The following KIAA1217 variants were observed in gnomAD, a reference collection of about 807,000 sequenced individuals.
The protein encoded by KIAA1217 is sickle tail protein homolog.
In KIAA1217, 88 loss-of-function variants were observed where a neutral mutation model predicts 163.9. That is an observed-to-expected ratio of 0.54 (90% CI 0.45 to 0.64). KIAA1217 has a LOEUF of 0.64. Ranked by LOEUF, KIAA1217 falls within the 30% of genes least tolerant of loss-of-function variation. The pLI, the probability that KIAA1217 is intolerant of heterozygous loss-of-function variation, is 0.00. For synonymous variants in KIAA1217, 903 were observed against 923.1 expected (o/e 0.98, Z 0.39); for missense variants, 2,372 against 2,475.0 (o/e 0.96, Z 0.88).
intron 14 of KIAA1217, 28 bp downstream of exon 14, chr10:24,528,147 T>G: frequency 6.2e-7 from 1 of 1,608,168 alleles, no homozygotes; most frequent in Non-Finnish European, 8.5e-7. Flanking sequence ...AGCAGGAATA[T>G]ATGGAGGTAC....
intron 2 of KIAA1217, among the ~76,000 whole-genome samples, chr10:24,046,304 A>G (rs1474674123): frequency 6.6e-6 from 1 of 152,146 alleles, no homozygotes; most frequent in Non-Finnish European, 1.5e-5. Flanking sequence ...TTCTAAGCAC[A>G]TTATAAATAC....
chr10:24,047,092 T>C (rs1468255750), intron 2 of KIAA1217, among the ~76,000 whole-genome samples: 1 of 152,214 alleles, frequency 6.6e-6, no homozygotes, highest in Non-Finnish European at 1.5e-5. Flanking sequence ...TCAGAGTTAA[T>C]AAATGCATCA....
At chr10:24,075,376 C>A (rs2061337143) in intron 2 of KIAA1217, among the ~76,000 whole-genome samples, 1 of 152,142 alleles carries the variant, frequency 6.6e-6, no homozygotes, top group Admixed American at 6.5e-5. Context: ...AGTGCAGTGG[C>A]ACCATCATAA....
chr10:23,854,263 C>T (rs1588953865), intron 1 of KIAA1217, among the ~76,000 whole-genome samples: 3 of 152,232 alleles, frequency 2.0e-5, no homozygotes, highest in African/African-American at 7.2e-5. Context: ...GCCTTCATAT[C>T]ATTATGTACC....
intron 5 of KIAA1217, chr10:24,449,582 G>T: frequency 1.0e-6 from 1 of 985,344 alleles, no homozygotes; most frequent in Non-Finnish European, 1.2e-6. Flanking sequence ...TAACAAGAGT[G>T]GATACTGCTC....
chr10:24,501,509 A>T lies in KIAA1217; in HGVS notation c.1965A>T (p.Glu655Asp). Residue 655 changes from glutamate (E) to aspartate (D), a missense_variant, in exon 9 of 21, where the codon GAA becomes GAT. Glu to Asp is a conservative substitution (Grantham distance 45, BLOSUM62 2). This residue lies in a region of KIAA1217 where 1,431 missense variants were observed against 1,470.3 expected (regional missense o/e 0.97). Coordinates refer to ENST00000376454, the MANE Select transcript of KIAA1217 (RefSeq NM_019590.5). ...SLLEMRRSVA[E>D]LRLQLQQMRQ... ...TTGAGATGAGGCGGAGCGTGGCGGA[A>T]CTCAGGCTCCAGCTCCAGCAGATGC... 1 of 1,613,612 alleles carries T rather than the reference A, an allele frequency of 6.2e-7. No individual in the cohort carries two copies. The highest frequency in any genetic ancestry group is 2.2e-5 in the East Asian group (1 of 44,822).
At chr10:24,528,733 T>C (rs951819889) in intron 14 of KIAA1217, among the ~76,000 whole-genome samples, 3 of 152,144 alleles carry the variant, frequency 2.0e-5, no homozygotes. Context: ...GTTTGCGTTT[T>C]CTATGCATTT....
intron 1 of KIAA1217, among the ~76,000 whole-genome samples, chr10:23,969,283 G>A (rs960553922): frequency 6.6e-6 from 1 of 152,162 alleles, no homozygotes; most frequent in Non-Finnish European, 1.5e-5. Flanking sequence ...TCGTCCACCT[G>A]CCTCGCCTCC....
intron 3 of KIAA1217, among the ~76,000 whole-genome samples, chr10:24,424,934 A>G (rs2059062112): frequency 6.6e-6 from 1 of 152,140 alleles, no homozygotes; most frequent in Non-Finnish European, 1.5e-5. Flanking sequence ...ACTCTTGAAT[A>G]CAGTCTCTTA....
intron 12 of KIAA1217, 48 bp from the exon 13 acceptor site, chr10:24,524,275 T>G (rs1299476974): frequency 2.1e-4 from 322 of 1,558,118 alleles, no homozygotes; most frequent in Non-Finnish European, 2.5e-4. Flanking sequence ...TATACCACCA[T>G]GAGAAAGTGA....
chr10:23,799,048 G>A (rs1278291537), intron 1 of KIAA1217, among the ~76,000 whole-genome samples: 2 of 152,164 alleles, frequency 1.3e-5, no homozygotes, highest in African/African-American at 4.8e-5. Context: ...CCAGCTTCTG[G>A]TGGTTGCTGG....
chr10:24,389,105 C>CT (rs1352896884), intron 3 of KIAA1217, among the ~76,000 whole-genome samples: 1 of 151,350 alleles, frequency 6.6e-6, no homozygotes, highest in Non-Finnish European at 1.5e-5. Context: ...CACACACGTA[C>CT]GTTTATTGCA....
chr10:23,942,243 A>G (rs1316273978), intron 1 of KIAA1217, among the ~76,000 whole-genome samples: 1 of 152,208 alleles, frequency 6.6e-6, no homozygotes, highest in Non-Finnish European at 1.5e-5. Context: ...ATGGATTTGG[A>G]GACTAGCAGA....
intron 1 of KIAA1217, among the ~76,000 whole-genome samples, chr10:23,900,380 G>A (rs1170833882): frequency 1.3e-5 from 2 of 151,986 alleles, no homozygotes; most frequent in African/African-American, 2.4e-5. Flanking sequence ...CAATGGGGAC[G>A]TTGCTGCTTC....
At chr10:23,829,937 G>A (rs919450161) in intron 1 of KIAA1217, among the ~76,000 whole-genome samples, 9 of 152,148 alleles carry the variant, frequency 5.9e-5, no homozygotes, top group African/African-American at 1.2e-4. Context: ...GCTTACTAGC[G>A]GAAGTAATTA....
intron 2 of KIAA1217, among the ~76,000 whole-genome samples, chr10:24,353,136 T>C (rs2048665413): frequency 6.6e-6 from 1 of 152,128 alleles, no homozygotes; most frequent in Non-Finnish European, 1.5e-5. Flanking sequence ...GGCACTCATA[T>C]AGGTGGTGCG....
At chr10:23,732,173 T>C (rs1417731059) in intron 1 of KIAA1217, among the ~76,000 whole-genome samples, 1 of 152,114 alleles carries the variant, frequency 6.6e-6, no homozygotes, top group African/African-American at 2.4e-5. Flanking sequence ...TGTAATTTCT[T>C]CTTTAAATGT....
intron 2 of KIAA1217, among the ~76,000 whole-genome samples, chr10:24,027,683 G>C (rs1402034410): frequency 4.6e-5 from 7 of 152,158 alleles, no homozygotes; most frequent in African/African-American, 1.2e-4. Context: ...AAACTCAATA[G>C]TGTAAAATTA....
intron 3 of KIAA1217, among the ~76,000 whole-genome samples, chr10:24,428,115 G>A (rs927017628): frequency 1.3e-5 from 2 of 152,190 alleles, no homozygotes; most frequent in Admixed American, 1.3e-4. Flanking sequence ...GAATGCAGAT[G>A]TGGGGATGAA....
Sources: gnomAD v4.1 joint callset for allele counts (sites outside exome capture counted in the v4.1 genomes callset) on GRCh38, gnomAD v4.1.1 for gene constraint, gnomAD v4.1.1 regional missense constraint, MANE v1.5 for transcripts, NCBI Gene and HGNC (gene_info 2026-07-23, HGNC 2026-07-21) for gene names.